Variants in IL1RAPL2 observed in about 807,000 individuals in gnomAD.
IL1RAPL2 encodes the protein interleukin 1 receptor accessory protein like 2.
IL1RAPL2 carries 3 observed loss-of-function variants against 44.1 expected under a neutral mutation model. The observed-to-expected ratio is 0.07, with a 90% CI of 0.03 to 0.18. The LOEUF is 0.18. IL1RAPL2 is among the 10% of genes least tolerant of loss of function. IL1RAPL2 has a pLI of 1.00. For synonymous variants in IL1RAPL2, 181 were observed against 178.8 expected (o/e 1.01, Z -0.10); for missense variants, 391 against 496.4 (o/e 0.79, Z 2.02).
At chrX:105,276,142 A>G (rs2034483839) in intron 5 of IL1RAPL2, among the ~76,000 whole-genome samples, 1 of 112,717 alleles carries the variant, frequency 8.9e-6, no homozygotes, top group African/African-American at 3.2e-5. Flanking sequence ...ACGGTGGCTC[A>G]CGCCTGTAAT....
At position 105,546,778 on chromosome X, in the gene IL1RAPL2, A is replaced by C. The variant is rs116100961; in HGVS notation, c.772+62391A>C. Among the ~76,000 whole-genome samples, 558 of 111,981 alleles carry C rather than the reference A, an allele frequency of 5.0e-3. 5 individuals are homozygous for C. The highest frequency in any genetic ancestry group is 0.017 in the African/African-American group (538 of 30,816). The stretch of plus-strand genomic sequence containing the variant: ...GCTAGTTACAAACTACGTTTGCTAT[A>C]TATTCATAAGATTTTCAAATTATTT... On this transcript the variant is annotated intron_variant, in intron 6 of 10. Coordinates refer to ENST00000372582, the MANE Select transcript of IL1RAPL2 (RefSeq NM_017416.2).
chrX:105,700,725 CTATT>C (rs1195238949), intron 6 of IL1RAPL2, among the ~76,000 whole-genome samples: 1 of 111,538 alleles, frequency 9.0e-6, no homozygotes, highest in Non-Finnish European at 1.9e-5. Flanking sequence ...TTATTAGACT[CTATT>C]TAGTAATAAC....
rs770841479 is a variant in IL1RAPL2 at position 105,267,454 on chromosome X, G to A, written c.610G>A (p.Val204Ile). 4 of 1,201,483 alleles carry A rather than the reference G, an allele frequency of 3.3e-6. No homozygotes were observed. In the South Asian group the frequency reaches 7.2e-5, roughly 21 times the overall value. ...AGGAAATGCTCTTCTGATCCAAGAA[G>A]TTCAAGAAGAAGATGGAGGAAATTA... The part of the protein sequence containing the change: ...QKGNALLIQE[V>I]QEEDGGNYTC... The change falls in exon 5 of 11, where the codon GTT becomes ATT. Residue 204 changes from valine (V) to isoleucine (I), a missense_variant. Val to Ile is a conservative substitution (Grantham distance 29). Transcript: ENST00000372582.
intron 5 of IL1RAPL2, among the ~76,000 whole-genome samples, chrX:105,432,607 A>G (rs1250863515): frequency 2.7e-5 from 3 of 111,379 alleles, no homozygotes; most frequent in East Asian, 2.8e-4. Flanking sequence ...TTTTGAAATC[A>G]GGCTCTGATA....
intron 6 of IL1RAPL2, among the ~76,000 whole-genome samples, chrX:105,673,920 T>C (rs1174800719): frequency 8.9e-6 from 1 of 112,349 alleles, no homozygotes; most frequent in Admixed American, 9.5e-5. Flanking sequence ...TAATGATCAG[T>C]GATGTTGATC....
intron 2 of IL1RAPL2, among the ~76,000 whole-genome samples, chrX:104,860,825 A>G (rs1456770791): frequency 9.0e-6 from 1 of 111,295 alleles, no homozygotes; most frequent in Non-Finnish European, 1.9e-5. Context: ...GAAAAAAGTT[A>G]GGTTAAATTG....
intron 2 of IL1RAPL2, among the ~76,000 whole-genome samples, chrX:104,754,299 CAAG>C (rs1932309047): frequency 9.0e-6 from 1 of 111,660 alleles, no homozygotes; most frequent in African/African-American, 3.2e-5. Flanking sequence ...GAGTGTGGAT[CAAG>C]GAGGTGGTTT....
At chrX:104,711,540 A>G (rs1931456222) in intron 2 of IL1RAPL2, among the ~76,000 whole-genome samples, 1 of 110,824 alleles carries the variant, frequency 9.0e-6, no homozygotes. Flanking sequence ...GAAAATAATG[A>G]AAGACAAATA....
intron 2 of IL1RAPL2, among the ~76,000 whole-genome samples, chrX:104,894,643 A>G (rs1301320805): frequency 8.9e-6 from 1 of 111,962 alleles, no homozygotes; most frequent in Non-Finnish European, 1.9e-5. Context: ...CCATCAGGTC[A>G]TTTAAGGACT....
intron 1 of IL1RAPL2, among the ~76,000 whole-genome samples, chrX:104,627,784 G>A (rs1417697634): frequency 1.8e-5 from 2 of 111,133 alleles, no homozygotes; most frequent in South Asian, 3.8e-4. Flanking sequence ...TGGTGATAGA[G>A]GAGGTTTAAA....
At chrX:104,889,321 A>G (rs911506584) in intron 2 of IL1RAPL2, among the ~76,000 whole-genome samples, 3 of 111,534 alleles carry the variant, frequency 2.7e-5, no homozygotes, top group African/African-American at 9.8e-5. Context: ...GTTTTCTCCA[A>G]TGGGAAAATA....
chrX:104,641,937 C>T (rs1049101342), intron 1 of IL1RAPL2, among the ~76,000 whole-genome samples: 2 of 111,474 alleles, frequency 1.8e-5, no homozygotes, highest in Non-Finnish European at 3.8e-5. Flanking sequence ...GTGTGGCACC[C>T]AGCACAGACT....
intron 2 of IL1RAPL2, among the ~76,000 whole-genome samples, chrX:104,742,409 A>G (rs1932113160): frequency 9.0e-6 from 1 of 111,541 alleles, no homozygotes; most frequent in South Asian, 3.7e-4. Flanking sequence ...GTGTGTTTGT[A>G]CACATACAAC....
intron 8 of IL1RAPL2, among the ~76,000 whole-genome samples, chrX:105,743,039 G>C (rs1465146669): frequency 9.0e-6 from 1 of 111,162 alleles, no homozygotes; most frequent in Admixed American, 9.6e-5. Context: ...TTTAGACTCT[G>C]AACACTTTTC....
intron 2 of IL1RAPL2, among the ~76,000 whole-genome samples, chrX:105,096,847 A>C (rs2032609459): frequency 8.9e-6 from 1 of 112,285 alleles, no homozygotes; most frequent in Non-Finnish European, 1.9e-5. Flanking sequence ...ATGTTTTATG[A>C]GTTATGTATT....
intron 2 of IL1RAPL2, among the ~76,000 whole-genome samples, chrX:104,984,746 T>C (rs939766521): frequency 2.7e-5 from 3 of 112,382 alleles, no homozygotes; most frequent in African/African-American, 9.7e-5. Context: ...TGAATACAGA[T>C]ACATTTTAAG....
rs764209730 is a variant in IL1RAPL2 at position 105,675,766 on chromosome X, T to A, written c.773-41601T>A. Among the ~76,000 whole-genome samples, 136 of 111,643 alleles carry A rather than the reference T, an allele frequency of 1.2e-3. 1 individual carries two copies. Among genetic ancestry groups the A allele is most frequent in the African/African-American group, 4.3e-3 (133 of 30,754 alleles). On this transcript the variant is annotated intron_variant, in intron 6 of 10. Transcript: ENST00000372582. ...GCTCCTCTTTATATTTATGGTAGAA[T>A]TCAGTTGTAAATCCAACTGGTCTTG...
intron 5 of IL1RAPL2, among the ~76,000 whole-genome samples, chrX:105,365,969 CAG>C (rs1358377516): frequency 9.5e-6 from 1 of 104,961 alleles, no homozygotes; most frequent in Non-Finnish European, 2.0e-5. Flanking sequence ...TTTTTTGAAA[CAG>C]AGTTTCACTC....
At chrX:105,453,946 G>A (rs1460304719) in intron 5 of IL1RAPL2, among the ~76,000 whole-genome samples, 2 of 111,835 alleles carry the variant, frequency 1.8e-5, no homozygotes, top group African/African-American at 6.5e-5. Context: ...TCACAAAGGA[G>A]GACCAGAACA....
Sources: gnomAD v4.1 joint callset for allele counts (sites outside exome capture counted in the v4.1 genomes callset) on GRCh38, gnomAD v4.1.1 for gene constraint, MANE v1.5 for transcripts, NCBI Gene and HGNC (gene_info 2026-07-23, HGNC 2026-07-21) for gene names.